LMX1A: variants seen among roughly 807,000 people sequenced by gnomAD.
The protein encoded by LMX1A is LIM homeobox transcription factor 1-alpha.
In LMX1A, 15 loss-of-function variants were observed where a neutral mutation model predicts 49.1. The observed-to-expected ratio is 0.31, with a 90% CI of 0.20 to 0.47. LMX1A has a LOEUF of 0.47. Among genes scored for constraint, LMX1A ranks in the 20% least tolerant of loss-of-function variants. The pLI is 1.00. For missense variants in LMX1A, 372 were observed against 475.8 expected (o/e 0.78, Z 2.03); for synonymous variants, 167 against 185.7 (o/e 0.90, Z 0.82).
At chr1:165,333,740 A>T (rs1455721735) in intron 3 of LMX1A, among the ~76,000 whole-genome samples, 2 of 152,156 alleles carry the variant, frequency 1.3e-5, no homozygotes, top group Non-Finnish European at 2.9e-5. Context: ...ACACACACAC[A>T]TGCATACACA....
At chr1:165,283,072 T>C (rs186763332) in intron 3 of LMX1A, among the ~76,000 whole-genome samples, 2 of 152,358 alleles carry the variant, frequency 1.3e-5, no homozygotes, top group Admixed American at 1.3e-4. Context: ...ACTATAGTCA[T>C]ATGATGAATA....
intron 3 of LMX1A, among the ~76,000 whole-genome samples, chr1:165,294,927 G>A (rs1262009937): frequency 2.0e-5 from 3 of 152,074 alleles, no homozygotes; most frequent in African/African-American, 7.2e-5. Flanking sequence ...TCACGCCAGT[G>A]CACACCAGCC....
chr1:165,270,940 C>A (rs1281992796), intron 3 of LMX1A, among the ~76,000 whole-genome samples: 1 of 152,150 alleles, frequency 6.6e-6, no homozygotes, highest in Non-Finnish European at 1.5e-5. Context: ...AACAGTGGAG[C>A]CTCACCACAA....
chr1:165,332,940 G>C (rs553530275), intron 3 of LMX1A, among the ~76,000 whole-genome samples: 133 of 152,314 alleles, frequency 8.7e-4, no homozygotes, highest in Non-Finnish European at 1.3e-3. Context: ...CTGTGACACA[G>C]TGCAAAGAGC....
At chr1:165,336,340 G>C (rs967788453) in intron 3 of LMX1A, among the ~76,000 whole-genome samples, 26 of 151,790 alleles carry the variant, frequency 1.7e-4, no homozygotes, top group African/African-American at 6.1e-4. Flanking sequence ...TAATCATTTC[G>C]GGATCACAGG....
At chr1:165,323,531 A>G (rs1462125814) in intron 3 of LMX1A, among the ~76,000 whole-genome samples, 1 of 152,240 alleles carries the variant, frequency 6.6e-6, no homozygotes, top group African/African-American at 2.4e-5. Flanking sequence ...GTTAAAAATA[A>G]AGACACTACC....
intron 3 of LMX1A, among the ~76,000 whole-genome samples, chr1:165,329,109 A>G (rs1004684553): frequency 2.0e-5 from 3 of 152,228 alleles, no homozygotes; most frequent in Admixed American, 6.5e-5. Flanking sequence ...CAGAAAAATT[A>G]CAATCATGGC....
At chr1:165,208,807 T>C (rs963402074) in intron 6 of LMX1A, among the ~76,000 whole-genome samples, 38 of 152,192 alleles carry the variant, frequency 2.5e-4, no homozygotes, top group Non-Finnish European at 3.2e-4. Flanking sequence ...CCACTACGCC[T>C]GGCTAATTTT....
At chr1:165,240,547 A>T (rs562789698) in intron 4 of LMX1A, among the ~76,000 whole-genome samples, 24 of 152,318 alleles carry the variant, frequency 1.6e-4, no homozygotes, top group Non-Finnish European at 2.9e-4. Context: ...AAAACATAGC[A>T]TTCAGCACAG....
chr1:165,232,961 G>T (rs982547402), intron 4 of LMX1A, among the ~76,000 whole-genome samples: 1 of 152,150 alleles, frequency 6.6e-6, no homozygotes, highest in Non-Finnish European at 1.5e-5. Flanking sequence ...AGGTGGTGTA[G>T]GAATAGGATG....
intron 3 of LMX1A, among the ~76,000 whole-genome samples, chr1:165,339,972 C>T (rs755610092): frequency 2.6e-5 from 4 of 152,146 alleles, no homozygotes; most frequent in Non-Finnish European, 5.9e-5. Flanking sequence ...TATCTTTGCC[C>T]CCCATCTTTT....
At chr1:165,304,545 C>T (rs1015546140) in intron 3 of LMX1A, among the ~76,000 whole-genome samples, 18 of 152,230 alleles carry the variant, frequency 1.2e-4, no homozygotes, top group African/African-American at 3.6e-4. Context: ...ATTTCTACTC[C>T]CTCGACCCAG....
intron 3 of LMX1A, among the ~76,000 whole-genome samples, chr1:165,308,798 C>A (rs567186673): frequency 6.6e-6 from 1 of 152,202 alleles, no homozygotes; most frequent in East Asian, 1.9e-4. Flanking sequence ...AGAATCTGTG[C>A]CAGTGCATCC....
chr1:165,275,836 GGTGT>G (rs71661277), intron 3 of LMX1A, among the ~76,000 whole-genome samples: 36,665 of 127,806 alleles, frequency 0.29, 4,683 homozygotes, highest in Admixed American at 0.32. Flanking sequence ...ATGGCGCTGG[GGTGT>G]GTGTGTATGT....
intron 3 of LMX1A, among the ~76,000 whole-genome samples, chr1:165,334,411 A>C (rs1235152749): frequency 6.6e-6 from 1 of 152,172 alleles, no homozygotes; most frequent in Non-Finnish European, 1.5e-5. Flanking sequence ...AGTTATTTAC[A>C]TTGATCATCT....
At chr1:165,232,485 G>A (rs1388619751) in intron 4 of LMX1A, among the ~76,000 whole-genome samples, 4 of 152,200 alleles carry the variant, frequency 2.6e-5, no homozygotes, top group Admixed American at 2.6e-4. Flanking sequence ...AAAGGGGGAA[G>A]TAGAGGAAGG....
intron 3 of LMX1A, among the ~76,000 whole-genome samples, chr1:165,259,436 T>A (rs1393531412): frequency 6.6e-6 from 1 of 152,234 alleles, no homozygotes; most frequent in African/African-American, 2.4e-5. Context: ...GCTATTTGGT[T>A]AATGCTGACA....
At chr1:165,337,696 T>A (rs1427238672) in intron 3 of LMX1A, among the ~76,000 whole-genome samples, 2 of 152,184 alleles carry the variant, frequency 1.3e-5, no homozygotes, top group African/African-American at 2.4e-5. Context: ...TGGCTGGTTA[T>A]CGCCGTTATT....
In LMX1A at chr1:165,326,165, AATG is replaced by A. The variant is rs1305274889; in HGVS notation, c.263+26908_263+26910del. On this transcript the variant is annotated intron_variant, in intron 3 of 8. Coordinates refer to ENST00000342310, the MANE Select transcript of LMX1A (RefSeq NM_177398.4). The stretch of plus-strand genomic sequence containing the variant: ...AATAGGCATGAGAAGGCTGGGTGGA[AATG>A]ATGATTAAAGGAGCTAGAGACGGGG... 4.6e-5 allele frequency among the ~76,000 whole-genome samples: 7 copies of A among 152,278 alleles called. No individual in the cohort carries two copies. The East Asian group carries it at 1.4e-3, about 29-fold the overall frequency.
Sources: gnomAD v4.1 joint callset for allele counts (sites outside exome capture counted in the v4.1 genomes callset) on GRCh38, gnomAD v4.1.1 for gene constraint, MANE v1.5 for transcripts, NCBI Gene and HGNC (gene_info 2026-07-23, HGNC 2026-07-21) for gene names.